CLK3: variants seen among roughly 807,000 people sequenced by gnomAD.
CLK3 encodes dual specificity protein kinase CLK3.
Under a neutral mutation model 65.2 loss-of-function variants are expected in CLK3, and 24 were observed. The observed-to-expected ratio is 0.37, with a 90% CI of 0.27 to 0.52. The LOEUF (loss-of-function observed/expected upper bound fraction) is 0.52, where lower values mean the gene tolerates loss of function less well. Ranked by LOEUF, CLK3 falls within the 20% of genes least tolerant of loss-of-function variation. CLK3 has a pLI of 0.92. For missense variants in CLK3, 506 were observed against 660.0 expected (o/e 0.77, Z 2.56); for synonymous variants, 252 against 240.8 (o/e 1.05, Z -0.43).
chr15:74,614,831 T>C (rs1043351134), upstream of CLK3: 3 of 152,150 alleles, frequency 2.0e-5, no homozygotes, highest in African/African-American at 7.2e-5. Context: ...CCTGGAGGGA[T>C]GGTCCGCCCC....
chr15:74,625,746 G>A (rs1366423100), intron 6 of CLK3, 56 bp from the exon 7 acceptor site: 102 of 1,593,348 alleles, frequency 6.4e-5, no homozygotes, highest in Non-Finnish European at 7.8e-5. Flanking sequence ...TCTGAGAGAG[G>A]GGGTGAGGCA....
At chr15:74,616,815 G>C (rs1414351253) in intron 1 of CLK3, among the ~76,000 whole-genome samples, 11 of 152,240 alleles carry the variant, frequency 7.2e-5, no homozygotes, top group Non-Finnish European at 1.6e-4. Context: ...AGTCAGCCCA[G>C]TTCTCTGGCC....
chr15:74,629,648 C>G, intron 12 of CLK3, 59 bp from the exon 13 acceptor site: 2 of 1,448,458 alleles, frequency 1.4e-6, no homozygotes, highest in Non-Finnish European at 1.9e-6. Flanking sequence ...GGCAAGGGGA[C>G]CTGCTGTGGC....
In CLK3 at chr15:74,622,502, G is replaced by A. The variant is rs1038339878; in HGVS notation, c.475G>A (p.Val159Met). The change falls in exon 5 of 13, where the codon GTG becomes ATG. Residue 159 changes from valine (V) to methionine (M), a missense_variant. Coordinates refer to ENST00000395066, the MANE Select transcript of CLK3 (RefSeq NM_001130028.2). The surrounding 1 kb of genome is among the most constrained non-coding windows in gnomAD (Gnocchi z 4.6). ...GDWLQERYEIVGNLGEGTFGK... is the reference protein window; with the variant it reads ...GDWLQERYEIMGNLGEGTFGK... The stretch of plus-strand genomic sequence containing the variant: ...TTTCTTTTCTCTCCTAGATGAGATT[G>A]TGGGGAACCTGGGTGAAGGCACCTT... 1 of 1,612,810 alleles carries A rather than the reference G, an allele frequency of 6.2e-7. No homozygotes were observed.
intron 6 of CLK3, 70 bp from the exon 7 acceptor site, chr15:74,625,732 T>A: frequency 6.4e-7 from 1 of 1,560,958 alleles, no homozygotes; most frequent in Non-Finnish European, 8.8e-7. Context: ...GGGAACTGTC[T>A]TCATCTGAGA....
At chr15:74,618,641 C>T (rs962396995) in intron 1 of CLK3, among the ~76,000 whole-genome samples, 4 of 152,324 alleles carry the variant, frequency 2.6e-5, no homozygotes, top group African/African-American at 9.6e-5. Context: ...TCTCTTGTGG[C>T]TCCTCATGCT....
intron 5 of CLK3, chr15:74,623,700 C>G (rs979871843): frequency 6.6e-6 from 1 of 152,254 alleles, no homozygotes; most frequent in East Asian, 1.9e-4. Context: ...GCTCCTCTCT[C>G]AGGAGCTGGA....
chr15:74,629,403 T>G, intron 12 of CLK3: 1 of 532,528 alleles, frequency 1.9e-6, no homozygotes, highest in Non-Finnish European at 3.4e-6. Flanking sequence ...GTCAACTGCA[T>G]TTGGTGCTCG....
chr15:74,616,139 C>T (rs531250937), intron 1 of CLK3, among the ~76,000 whole-genome samples: 2 of 152,330 alleles, frequency 1.3e-5, no homozygotes, highest in Non-Finnish European at 2.9e-5. Flanking sequence ...CCTCTGGGGC[C>T]GCTCAAGGGT....
chr15:74,627,467 G>A lies in CLK3; in HGVS notation c.912+21G>A. 2 of 1,614,144 alleles carry A rather than the reference G, an allele frequency of 1.2e-6. No individual in the cohort carries two copies. Among genetic ancestry groups the A allele is most frequent in the Non-Finnish European group, 1.7e-6 (2 of 1,179,940 alleles). On this transcript the variant is annotated intron_variant, in intron 8 of 12. Coordinates refer to ENST00000395066, the MANE Select transcript of CLK3 (RefSeq NM_001130028.2). The surrounding 1 kb of genome is among the most constrained non-coding windows in gnomAD (Gnocchi z 4.3). The stretch of plus-strand genomic sequence containing the variant: ...ACAAGGTATTGGTGGGGGTAAGGGT[G>A]AGGCCCTGTTTCAGGGGTGGGTTAC...
upstream of CLK3, among the ~76,000 whole-genome samples, chr15:74,613,663 A>G (rs2062019182): frequency 6.6e-6 from 1 of 152,130 alleles, no homozygotes; most frequent in African/African-American, 2.4e-5. Context: ...ATCAGAGCCT[A>G]TAGCTCAGGG....
intron 1 of CLK3, among the ~76,000 whole-genome samples, chr15:74,617,515 A>G (rs78213153): frequency 0.034 from 5,217 of 152,364 alleles, 129 homozygotes; most frequent in Middle Eastern, 0.12. Context: ...AGAGTAGTGT[A>G]ATAATTTGTT....
intron 12 of CLK3, 115 bp downstream of exon 12, chr15:74,629,147 T>C (rs2062170756): frequency 1.2e-6 from 1 of 831,694 alleles, no homozygotes; most frequent in African/African-American, 1.7e-5. Context: ...GATCCAGCTC[T>C]ATGGGAGGCG....
rs1011280305 is a variant in CLK3 at position 74,615,949 on chromosome 15, G to A, written c.-1+51G>A. On this transcript the variant is annotated intron_variant, in intron 1 of 12. Transcript: ENST00000395066. Reference sequence around the variant, plus strand: ...GGCGACAGCGGCGGCGGCGGCCGGGGGTGAGTCGGCGGGGCAGGCGCGCTG... The same window carrying A: ...GGCGACAGCGGCGGCGGCGGCCGGGAGTGAGTCGGCGGGGCAGGCGCGCTG... 4.9e-6 allele frequency: 6 copies of A among 1,214,728 alleles called. No homozygotes were observed. In the East Asian group the frequency reaches 1.6e-4, roughly 32 times the overall value. 75.2% of individuals were successfully genotyped at this position (1,214,728 alleles called of 1,614,324 possible). A position where few individuals can be genotyped will look rare whatever the true frequency, so the allele number is the denominator to read the frequency against.
At position 74,621,702 on chromosome 15, in the gene CLK3, C is replaced by T. The variant is rs2062104913; in HGVS notation, c.370-418C>T. 1 of 340,840 alleles carries T rather than the reference C, an allele frequency of 2.9e-6. No homozygotes were observed. Among genetic ancestry groups the T allele is most frequent in the Admixed American group, 3.9e-5 (1 of 25,792 alleles). The allele number at this position is 340,840 out of a possible 1,614,324, so 21.1% of individuals were successfully genotyped here. ...GCCGCCGTTCTCACTGCATCTTCCG[C>T]TCTGGCCCAAAGCCACATGGGAGGG... On this transcript the variant is annotated intron_variant, in intron 3 of 12. Coordinates refer to ENST00000395066, the MANE Select transcript of CLK3 (RefSeq NM_001130028.2). This position sits in a 1 kb window ranked among gnomAD's most constrained non-coding sequence, Gnocchi z 4.8.
chr15:74,615,662 C>T, upstream of CLK3: 1 of 1,246,924 alleles, frequency 8.0e-7, no homozygotes, highest in South Asian at 3.3e-5. Flanking sequence ...TCCCCTCGGC[C>T]CTCCCGGAAC....
chr15:74,619,002 G>A, intron 1 of CLK3, 195 bp from the exon 2 acceptor site: 1 of 606,962 alleles, frequency 1.6e-6, no homozygotes, highest in Non-Finnish European at 2.9e-6. Context: ...CACTGGCAGA[G>A]AAAGTTGTTT....
intron 5 of CLK3, among the ~76,000 whole-genome samples, chr15:74,623,038 C>T (rs754856877): frequency 2.0e-5 from 3 of 152,196 alleles, no homozygotes; most frequent in Non-Finnish European, 4.4e-5. Flanking sequence ...GGCTTTCTCA[C>T]CAAGCAGGCT....
rs1026857950 is a variant in CLK3, at chr15:74,627,639, G to A, written c.1013G>A (p.Arg338His). The change falls in exon 9 of 13, where the codon CGT (arginine) becomes CAT (histidine). Residue 338 changes from arginine to histidine, a missense_variant. Arg to His is a conservative substitution (Grantham distance 29). Around this residue, in one of 2 missense-constraint regions of CLK3, gnomAD observed 325 missense variants for 500.5 expected, o/e 0.65. Coordinates refer to ENST00000395066, the MANE Select transcript of CLK3 (RefSeq NM_001130028.2). The surrounding 1 kb of genome is among the most constrained non-coding windows in gnomAD (Gnocchi z 4.3). ...HEHHTTIVAT[R>H]HYRPPEVILE... is the part of the protein sequence containing the mutation. ...CACCACACCACCATTGTGGCCACCC[G>A]TCACTATCGCCCGCCTGAGGTGATC... is the stretch of plus-strand genomic sequence containing the variant. The A allele has an allele frequency of 1.2e-6, 2 of 1,613,948 alleles. No homozygotes were observed. The highest frequency in any genetic ancestry group is 1.7e-6 in the Non-Finnish European group (2 of 1,180,038).
Sources: gnomAD v4.1 joint callset for allele counts (sites outside exome capture counted in the v4.1 genomes callset) on GRCh38, gnomAD v4.1.1 for gene constraint, gnomAD v4.1.1 regional missense constraint, Gnocchi (gnomAD v3.1) non-coding constraint, MANE v1.5 for transcripts, NCBI Gene and HGNC (gene_info 2026-07-23, HGNC 2026-07-21) for gene names.